PITPNM2: variants seen among roughly 807,000 people sequenced by gnomAD.
PITPNM2 encodes the protein membrane-associated phosphatidylinositol transfer protein 2.
In PITPNM2, 35 loss-of-function variants were observed where a neutral mutation model predicts 132.2. The ratio of observed to expected loss-of-function variants is 0.26; its 90% CI spans 0.20 to 0.35. PITPNM2 has a LOEUF of 0.35. Ranked by LOEUF, PITPNM2 falls within the 10% of genes least tolerant of loss-of-function variation. The probability of loss-of-function intolerance (pLI) is 1.00; values close to 1 mark genes in which losing one functional copy is unlikely to be tolerated. For synonymous variants in PITPNM2, 738 were observed against 799.2 expected, an observed-to-expected ratio of 0.92 and a Z score of 1.29; for missense variants, 1,332 against 1,912.0, an observed-to-expected ratio of 0.70 and a Z score of 5.66.
At chr12:123,063,361 C>A (rs897123449) in intron 2 of PITPNM2, among the ~76,000 whole-genome samples, 1 of 152,362 alleles carries the variant, frequency 6.6e-6, no homozygotes, top group East Asian at 1.9e-4. Flanking sequence ...GGCTGCATTT[C>A]TTCACCTGCA....
chr12:123,030,081 GC>G (rs2136414836), intron 3 of PITPNM2, among the ~76,000 whole-genome samples: 1 of 151,628 alleles, frequency 6.6e-6, no homozygotes, highest in South Asian at 2.1e-4. Flanking sequence ...CACTCATGCT[GC>G]CCATGGAGAT....
chr12:123,097,898 C>T lies in PITPNM2; in HGVS notation c.-96+12487G>A, dbSNP rs1272300980. 6.6e-6 allele frequency among the ~76,000 whole-genome samples: 1 copy of T among 152,254 alleles called. No homozygotes were observed. The highest frequency in any genetic ancestry group is 2.4e-5 in the African/African-American group (1 of 41,474). ...AGCGGCTGCAGCCAGATGGGAACAA[C>T]ATAATCCTCCTTTCTCTGCTGGCCT... On this transcript the variant is annotated intron_variant, in intron 2 of 25. Coordinates refer to ENST00000320201, the MANE Select transcript of PITPNM2 (RefSeq NM_020845.3). This position sits in a 1 kb window ranked among gnomAD's most constrained non-coding sequence, Gnocchi z 4.7.
intron 1 of PITPNM2, among the ~76,000 whole-genome samples, chr12:123,113,931 T>C (rs1194971748): frequency 6.6e-6 from 1 of 152,234 alleles, no homozygotes; most frequent in Non-Finnish European, 1.5e-5. Context: ...TTCACATAAA[T>C]GGAATCATAT....
intron 1 of PITPNM2, among the ~76,000 whole-genome samples, chr12:123,140,314 C>T (rs533034933): frequency 6.6e-6 from 1 of 152,310 alleles, no homozygotes; most frequent in Admixed American, 6.5e-5. Context: ...CCAGAGACAG[C>T]AAGGAAAGTG....
intron 1 of PITPNM2, among the ~76,000 whole-genome samples, chr12:123,112,014 A>G (rs2042847604): frequency 6.6e-6 from 1 of 152,090 alleles, no homozygotes; most frequent in African/African-American, 2.4e-5. Context: ...GCCCACCACA[A>G]TGCTTCTCGG....
In PITPNM2 at chr12:123,009,866, C is replaced by T. The variant is rs1211205127; in HGVS notation, c.627G>A (p.Arg209=). The T allele has an allele frequency of 6.2e-7, 1 of 1,614,140 alleles. No individual in the cohort carries two copies. Among genetic ancestry groups the T allele is most frequent in the Non-Finnish European group, 8.5e-7 (1 of 1,180,000 alleles). Residue 209 remains arginine, a synonymous_variant, in exon 6 of 26, where the codon AGG becomes AGA. Transcript: ENST00000320201. The surrounding 1 kb of genome is among the most constrained non-coding windows in gnomAD (Gnocchi z 4.8). The stretch of plus-strand genomic sequence containing the variant: ...TGTGCTCACCGGTGTCGTGGATGAA[C>T]CTCTCGATCTTGGACTGCATGCCCC... ...RYWGMQSKIE[R]FIHDTGLRRV...
At chr12:123,061,299 C>A (rs748210927) in intron 2 of PITPNM2, among the ~76,000 whole-genome samples, 2 of 152,226 alleles carry the variant, frequency 1.3e-5, no homozygotes, top group Non-Finnish European at 2.9e-5. Flanking sequence ...TGACAAGGCA[C>A]GGTCTATGCA....
At chr12:122,988,391 C>T (rs773353694) in intron 19 of PITPNM2, 41 bp from the exon 20 acceptor site, 20 of 1,562,538 alleles carry the variant, frequency 1.3e-5, no homozygotes, top group Non-Finnish European at 1.4e-5. Context: ...GCAGATGCCA[C>T]CCGGGGGCTT....
intron 3 of PITPNM2, among the ~76,000 whole-genome samples, chr12:123,029,111 C>T (rs900756996): frequency 6.6e-6 from 1 of 152,172 alleles, no homozygotes; most frequent in African/African-American, 2.4e-5. Flanking sequence ...CCTCCTGGTC[C>T]TCTCCGCCTG....
At chr12:123,133,291 A>T (rs1593032619) in intron 1 of PITPNM2, among the ~76,000 whole-genome samples, 1 of 152,334 alleles carries the variant, frequency 6.6e-6, no homozygotes, top group East Asian at 1.9e-4. Flanking sequence ...CTCCATGGCA[A>T]ATCCCTGCCA....
intron 2 of PITPNM2, among the ~76,000 whole-genome samples, chr12:123,093,470 G>A (rs996626606): frequency 1.3e-5 from 2 of 149,002 alleles, no homozygotes; most frequent in South Asian, 2.1e-4. Context: ...ATACACACAC[G>A]CACACACACA....
rs1270302201 is a variant in PITPNM2 at position 123,009,513 on chromosome 12, C to T, written c.643+337G>A. On this transcript the variant is annotated intron_variant, in intron 6 of 25. Transcript: ENST00000320201. This position sits in a 1 kb window ranked among gnomAD's most constrained non-coding sequence, Gnocchi z 4.8. ...CCAGATGAGCAGCAGGGAACCTGTCCCCAGGGGCTACTCAGACCTGTGGAG... is the reference window on the plus strand; with the variant it reads ...CCAGATGAGCAGCAGGGAACCTGTCTCCAGGGGCTACTCAGACCTGTGGAG... Among the ~76,000 whole-genome samples the T allele has an allele frequency of 6.6e-6, 1 of 152,070 alleles. No homozygotes were observed. Among genetic ancestry groups the T allele is most frequent in the African/African-American group, 2.4e-5 (1 of 41,436 alleles).
rs2038836599 is a variant in PITPNM2 at position 123,004,504 on chromosome 12, C to G, written c.953-15G>C. On this transcript the variant is annotated splice_polypyrimidine_tract_variant and intron_variant, in intron 7 of 25. Coordinates refer to ENST00000320201, the MANE Select transcript of PITPNM2 (RefSeq NM_020845.3). This position sits in a 1 kb window ranked among gnomAD's most constrained non-coding sequence, Gnocchi z 4.9. ...GGAAGGACTCGCTGGAAGGCAAAAC[C>G]CCAGATTGACCGCCAACTGGAGAGG... 6.2e-7 allele frequency: 1 copy of G among 1,612,846 alleles called. No individual in the cohort carries two copies. The highest frequency in any genetic ancestry group is 1.3e-5 in the African/African-American group (1 of 75,054).
At chr12:123,120,518 C>T (rs2043013983) in intron 1 of PITPNM2, among the ~76,000 whole-genome samples, 1 of 152,178 alleles carries the variant, frequency 6.6e-6, no homozygotes, top group Non-Finnish European at 1.5e-5. Context: ...AGAGTCAGAG[C>T]CCTCAGCCAG....
intron 2 of PITPNM2, among the ~76,000 whole-genome samples, chr12:123,043,369 G>A (rs915503780): frequency 1.8e-4 from 27 of 152,140 alleles, no homozygotes; most frequent in Admixed American, 1.3e-4. Flanking sequence ...CTTTGAGCAG[G>A]AGGACACAGC....
intron 25 of PITPNM2, 27 bp downstream of exon 25, chr12:122,986,409 A>G: frequency 6.4e-7 from 1 of 1,563,964 alleles, no homozygotes; most frequent in East Asian, 2.4e-5. Context: ...GCCCGCCTGC[A>G]CCCGCCCCCA....
intron 2 of PITPNM2, among the ~76,000 whole-genome samples, chr12:123,035,770 C>T (rs972005128): frequency 3.9e-5 from 6 of 152,142 alleles, no homozygotes; most frequent in Admixed American, 3.9e-4. Flanking sequence ...TGAAGCTTTG[C>T]CATAAATATC....
intron 1 of PITPNM2, among the ~76,000 whole-genome samples, chr12:123,127,344 C>G (rs1318964452): frequency 6.6e-6 from 1 of 152,160 alleles, no homozygotes; most frequent in Admixed American, 6.6e-5. Context: ...TTGTTTCTAA[C>G]CAGAAAATAA....
chr12:123,147,648 T>C (rs1321065530), intron 1 of PITPNM2, among the ~76,000 whole-genome samples: 1 of 151,994 alleles, frequency 6.6e-6, no homozygotes, highest in Non-Finnish European at 1.5e-5. Context: ...AGACAGAATA[T>C]CACATTGTGT....
Sources: gnomAD v4.1 joint callset for allele counts (sites outside exome capture counted in the v4.1 genomes callset) on GRCh38, gnomAD v4.1.1 for gene constraint, Gnocchi (gnomAD v3.1) non-coding constraint, MANE v1.5 for transcripts, NCBI Gene and HGNC (gene_info 2026-07-23, HGNC 2026-07-21) for gene names.